Variants in JARID2 observed in about 807,000 individuals in gnomAD.
JARID2 encodes the protein jumonji and AT-rich interaction domain containing 2, also known as protein Jumonji.
A neutral mutation model predicts 125.6 loss-of-function variants in JARID2; 21 were observed. The ratio of observed to expected loss-of-function variants is 0.17; its 90% CI spans 0.12 to 0.24. JARID2 has a LOEUF of 0.24. Among genes scored for constraint, JARID2 ranks in the 10% least tolerant of loss-of-function variants. The pLI is 1.00. For missense variants in JARID2, 1,303 were observed against 1,639.6 expected (o/e 0.79, Z 3.55); for synonymous variants, 736 against 661.6 (o/e 1.11, Z -1.73).
At position 15,477,988 on chromosome 6, in the gene JARID2, G is replaced by T. The variant is rs188327891; in HGVS notation, c.670+9270G>T. The stretch of plus-strand genomic sequence containing the variant: ...CTATGTTGTGGGCTGTTTCAGTGTG[G>T]TAGAAGGTCTTGGTAATTCCTGTGT... On this transcript the variant is annotated intron_variant, in intron 5 of 17. Transcript: ENST00000341776. 5.9e-5 allele frequency among the ~76,000 whole-genome samples: 9 copies of T among 152,312 alleles called. No homozygotes were observed. In the East Asian group the frequency reaches 1.7e-3, roughly 29 times the overall value.
intron 1 of JARID2, among the ~76,000 whole-genome samples, chr6:15,272,145 GAAAAACAA>G (rs1385477014): frequency 1.3e-5 from 2 of 152,222 alleles, no homozygotes; most frequent in African/African-American, 4.8e-5. Flanking sequence ...AAAAACAGCA[GAAAAACAA>G]AAAAACAAAA....
At chr6:15,506,089 T>G (rs1355359828) in intron 9 of JARID2, among the ~76,000 whole-genome samples, 1 of 152,248 alleles carries the variant, frequency 6.6e-6, no homozygotes, top group Non-Finnish European at 1.5e-5. Flanking sequence ...TGTGTAAATA[T>G]TTAAACACAA....
chr6:15,331,416 A>G (rs1172947134), intron 1 of JARID2, among the ~76,000 whole-genome samples: 1 of 152,140 alleles, frequency 6.6e-6, no homozygotes, highest in Non-Finnish European at 1.5e-5. Context: ...GAGTGCCCTT[A>G]GAAGTATAAT....
chr6:15,411,542 G>A (rs867860224), intron 3 of JARID2, among the ~76,000 whole-genome samples: 4 of 152,140 alleles, frequency 2.6e-5, no homozygotes, highest in South Asian at 2.1e-4. Flanking sequence ...CGTGTACTGA[G>A]CTTTGTATGT....
chr6:15,292,124 C>T (rs563106160), intron 1 of JARID2, among the ~76,000 whole-genome samples: 2 of 152,148 alleles, frequency 1.3e-5, no homozygotes, highest in African/African-American at 2.4e-5. Flanking sequence ...TCACGCCATT[C>T]TCCTGCCTCA....
chr6:15,275,046 A>C (rs1229328278), intron 1 of JARID2, among the ~76,000 whole-genome samples: 1 of 152,178 alleles, frequency 6.6e-6, no homozygotes, highest in African/African-American at 2.4e-5. Context: ...GATAGGATTA[A>C]AAACCTCTGT....
At chr6:15,356,230 A>G (rs1233369734) in intron 1 of JARID2, among the ~76,000 whole-genome samples, 1 of 152,034 alleles carries the variant, frequency 6.6e-6, no homozygotes, top group Non-Finnish European at 1.5e-5. Flanking sequence ...TGGGTTGTTT[A>G]TACTTTTTGG....
Position 15,504,448 on chromosome 6 carries a change from A to C in JARID2, c.2449-52A>C, listed in dbSNP as rs1018698765. 180 of 1,370,386 alleles carry C rather than the reference A, an allele frequency of 1.3e-4. No homozygotes were observed. In the Admixed American group the frequency reaches 2.8e-3, roughly 21 times the overall value. The allele number at this position is 1,370,386 out of a possible 1,614,324, so 84.9% of individuals were successfully genotyped here. ...ATGACAGGTGTCTGGCCTCATTTGC[A>C]GTAGGGTTCAGCTTTGCTTCTGAAG... On this transcript the variant is annotated intron_variant, in intron 8 of 17. Transcript: ENST00000341776.
At chr6:15,409,360 G>T (rs537701670) in intron 2 of JARID2, among the ~76,000 whole-genome samples, 1 of 152,218 alleles carries the variant, frequency 6.6e-6, no homozygotes, top group Non-Finnish European at 1.5e-5. Flanking sequence ...AGTTCTGGTT[G>T]CCTTCGAGGG....
At chr6:15,415,571 C>CCTCCCGGACGGGGCTGCTGGCCGGGCGG (rs1056696452) in intron 3 of JARID2, among the ~76,000 whole-genome samples, 9 of 146,742 alleles carry the variant, frequency 6.1e-5, no homozygotes, top group African/African-American at 2.1e-4. Flanking sequence ...ACCTCCCGGA[C>CCTCCCGGACGGGGCTGCTGGCCGGGCGG]GGGGCTGCTG....
At chr6:15,311,695 C>T (rs1762019446) in intron 1 of JARID2, among the ~76,000 whole-genome samples, 1 of 151,774 alleles carries the variant, frequency 6.6e-6, no homozygotes, top group African/African-American at 2.4e-5. Flanking sequence ...TAACACAAGC[C>T]ACAGATGGCA....
At chr6:15,463,113 G>T (rs1207928741) in intron 4 of JARID2, among the ~76,000 whole-genome samples, 1 of 151,930 alleles carries the variant, frequency 6.6e-6, no homozygotes, top group African/African-American at 2.4e-5. Context: ...TTGAATAATC[G>T]GGAGAGAAAA....
At chr6:15,498,005 C>T (rs1770548531) in intron 7 of JARID2, among the ~76,000 whole-genome samples, 1 of 152,160 alleles carries the variant, frequency 6.6e-6, no homozygotes, top group Non-Finnish European at 1.5e-5. Context: ...ATCCTACTGA[C>T]CTCTTTCTAA....
chr6:15,477,504 G>GTTTTTTT (rs56055395), intron 5 of JARID2, among the ~76,000 whole-genome samples: 1 of 137,438 alleles, frequency 7.3e-6, no homozygotes. Flanking sequence ...GGGAGTGTTG[G>GTTTTTTT]TTTTTTTTTT....
At chr6:15,393,154 A>G (rs771625136) in intron 2 of JARID2, among the ~76,000 whole-genome samples, 1 of 152,144 alleles carries the variant, frequency 6.6e-6, no homozygotes, top group Non-Finnish European at 1.5e-5. Context: ...CTTTCTGGGT[A>G]TTCTTTCAGC....
chr6:15,373,835 A>G (rs545738979), intron 1 of JARID2, among the ~76,000 whole-genome samples: 2 of 152,314 alleles, frequency 1.3e-5, no homozygotes, highest in East Asian at 1.9e-4. Flanking sequence ...ATATAAAACT[A>G]TTACTAGTTG....
In JARID2 at chr6:15,331,639, G is replaced by A. The variant is rs531413167; in HGVS notation, c.46-42478G>A. ...CCAGCACTTTGGGAGGCTGAGGCAG[G>A]CTGATCACCTGAGGTCGGGAGTTCG... On this transcript the variant is annotated intron_variant, in intron 1 of 17. Transcript: ENST00000341776. Among the ~76,000 whole-genome samples, 298 of 152,168 alleles carry A rather than the reference G, an allele frequency of 2.0e-3. 2 individuals carry two copies. Among genetic ancestry groups the A allele is most frequent in the African/African-American group, 6.8e-3 (281 of 41,518 alleles).
intron 1 of JARID2, among the ~76,000 whole-genome samples, chr6:15,321,496 T>G (rs374076311): frequency 1.5e-4 from 23 of 152,332 alleles, no homozygotes; most frequent in African/African-American, 5.5e-4. Context: ...TTTTTATTAC[T>G]TCTGCTCTGT....
chr6:15,438,927 G>C (rs1488790061), intron 3 of JARID2, among the ~76,000 whole-genome samples: 2 of 151,992 alleles, frequency 1.3e-5, no homozygotes, highest in Non-Finnish European at 1.5e-5. Context: ...AGCTACTCAG[G>C]AGGCTGAGGC....
Sources: gnomAD v4.1 joint callset for allele counts (sites outside exome capture counted in the v4.1 genomes callset) on GRCh38, gnomAD v4.1.1 for gene constraint, MANE v1.5 for transcripts, NCBI Gene and HGNC (gene_info 2026-07-23, HGNC 2026-07-21) for gene names.